The following CNTN4 variants were observed in gnomAD, a reference collection of about 807,000 sequenced individuals.
The protein encoded by CNTN4 is contactin-4.
CNTN4 carries 77 observed loss-of-function variants against 122.5 expected under a neutral mutation model. The observed-to-expected ratio is 0.63, with a 90% CI of 0.52 to 0.76. The LOEUF (loss-of-function observed/expected upper bound fraction) is 0.76. Ranked by LOEUF, CNTN4 falls within the 30% of genes least tolerant of loss-of-function variation. The pLI, the probability that CNTN4 is intolerant of heterozygous loss-of-function variation, is 0.00. For missense variants in CNTN4, 1,256 were observed against 1,259.1 expected, an observed-to-expected ratio of 1.00 and a Z score of 0.04; for synonymous variants, 512 against 447.0, an observed-to-expected ratio of 1.15 and a Z score of -1.83.
In CNTN4 at chr3:2,781,755, C is replaced by G. The variant is rs541870719; in HGVS notation, c.358+36058C>G. ...TTTTTTTTTTTTTGAGACGGAGTGT[C>G]GCTCTGTCGCCCAGGCTGGAGGGCA... On this transcript the variant is annotated intron_variant, in intron 6 of 24. Transcript: ENST00000418658. Among the ~76,000 whole-genome samples, 126 of 115,990 alleles carry G rather than the reference C, an allele frequency of 1.1e-3. 4 individuals carry two copies. Among genetic ancestry groups the G allele is most frequent in the Middle Eastern group, 6.9e-3 (1 of 144 alleles). 76.1% of individuals were successfully genotyped at this position (115,990 alleles called of 152,430 possible).
At chr3:2,900,608 C>T in intron 10 of CNTN4, 77 bp from the exon 11 acceptor site, 1 of 1,477,662 alleles carries the variant, frequency 6.8e-7, no homozygotes, top group Non-Finnish European at 9.4e-7. Flanking sequence ...GTACTTTTGC[C>T]CTTTGATTGA....
intron 2 of CNTN4, among the ~76,000 whole-genome samples, chr3:2,192,019 G>A (rs2037592036): frequency 6.6e-6 from 1 of 151,794 alleles, no homozygotes. Flanking sequence ...TGAGAATGAT[G>A]GTTTCCAGCT....
In CNTN4 at chr3:2,466,400, C is replaced by G. The variant is rs188755325; in HGVS notation, c.-88-105016C>G. ...AACTTGTATCTTTCACCAACATCTA[C>G]AGGAGTTGTGTAGAATAATAAGATT... On this transcript the variant is annotated intron_variant, in intron 3 of 24. Transcript: ENST00000418658. 1.8e-3 allele frequency among the ~76,000 whole-genome samples: 273 copies of G among 152,252 alleles called. 1 individual carries two copies. The highest frequency in any genetic ancestry group is 6.2e-3 in the African/African-American group (256 of 41,540).
At chr3:2,625,952 C>T (rs2082168884) in intron 4 of CNTN4, among the ~76,000 whole-genome samples, 1 of 152,118 alleles carries the variant, frequency 6.6e-6, no homozygotes, top group African/African-American at 2.4e-5. Flanking sequence ...ACATTCTGGA[C>T]AACACTTGAC....
At chr3:2,242,770 C>A (rs900493185) in intron 2 of CNTN4, among the ~76,000 whole-genome samples, 10 of 152,096 alleles carry the variant, frequency 6.6e-5, no homozygotes, top group African/African-American at 2.4e-4. Context: ...TCATGCATCA[C>A]AAATTACTTG....
intron 2 of CNTN4, among the ~76,000 whole-genome samples, chr3:2,193,865 C>T (rs114981570): frequency 0.022 from 3,297 of 152,262 alleles, 59 homozygotes; most frequent in Non-Finnish European, 0.03. Flanking sequence ...TACAGGTTTG[C>T]AGCCTAGGAG....
chr3:2,894,140 C>T (rs535092677), intron 10 of CNTN4, among the ~76,000 whole-genome samples: 4 of 152,170 alleles, frequency 2.6e-5, no homozygotes, highest in East Asian at 1.9e-4. Context: ...TAATGTCTGT[C>T]TTACTAGAAT....
intron 4 of CNTN4, among the ~76,000 whole-genome samples, chr3:2,722,577 C>T (rs772411841): frequency 1.9e-4 from 29 of 152,286 alleles, no homozygotes; most frequent in African/African-American, 4.8e-4. Context: ...ACTCAATGGA[C>T]GTGCTTTTTA....
intron 12 of CNTN4, among the ~76,000 whole-genome samples, chr3:2,904,053 A>G (rs1309252056): frequency 3.3e-5 from 5 of 152,214 alleles, no homozygotes; most frequent in Admixed American, 3.3e-4. Context: ...AACAGCTTGC[A>G]TTATCCTGTA....
chr3:2,662,036 A>T (rs531818938), intron 4 of CNTN4, among the ~76,000 whole-genome samples: 2 of 152,320 alleles, frequency 1.3e-5, no homozygotes, highest in South Asian at 2.1e-4. Flanking sequence ...TTCAAAAAAC[A>T]CTTATCAAGT....
At chr3:2,466,038 A>G (rs2075484312) in intron 3 of CNTN4, among the ~76,000 whole-genome samples, 1 of 152,228 alleles carries the variant, frequency 6.6e-6, no homozygotes, top group Non-Finnish European at 1.5e-5. Flanking sequence ...CAAAGATACC[A>G]GGGAATTCAA....
chr3:2,688,849 A>C (rs956155458), intron 4 of CNTN4, among the ~76,000 whole-genome samples: 3 of 152,192 alleles, frequency 2.0e-5, no homozygotes, highest in Admixed American at 6.5e-5. Flanking sequence ...TCTGTGGCCC[A>C]GTCACTAGTG....
chr3:2,953,760 G>T (rs1252410141), intron 13 of CNTN4, among the ~76,000 whole-genome samples: 1 of 152,184 alleles, frequency 6.6e-6, no homozygotes, highest in Non-Finnish European at 1.5e-5. Context: ...AGTGAAAGGA[G>T]AGGAAAGCAG....
chr3:2,371,480 G>T (rs1413345354), intron 3 of CNTN4, among the ~76,000 whole-genome samples: 1 of 150,088 alleles, frequency 6.7e-6, no homozygotes, highest in Non-Finnish European at 1.5e-5. Flanking sequence ...GTCTGTCTCA[G>T]CATCTTGGAA....
intron 23 of CNTN4, among the ~76,000 whole-genome samples, chr3:3,045,742 G>A (rs538087337): frequency 3.3e-5 from 5 of 152,350 alleles, no homozygotes; most frequent in East Asian, 1.9e-4. Context: ...CCAAAGGAAC[G>A]CACCTCCTCA....
chr3:3,047,964 G>A (rs1303154675), intron 23 of CNTN4, among the ~76,000 whole-genome samples: 1 of 152,144 alleles, frequency 6.6e-6, no homozygotes. Context: ...CCTTGAGAGT[G>A]GGTAACAGGG....
At chr3:2,785,898 C>CA (rs2091796447) in intron 6 of CNTN4, among the ~76,000 whole-genome samples, 1 of 125,756 alleles carries the variant, frequency 8.0e-6, no homozygotes, top group African/African-American at 2.8e-5. Flanking sequence ...CCACGCTGCC[C>CA]CCCCCCGCCC....
chr3:2,151,655 C>T (rs2035499740), intron 2 of CNTN4, among the ~76,000 whole-genome samples: 1 of 152,144 alleles, frequency 6.6e-6, no homozygotes, highest in African/African-American at 2.4e-5. Flanking sequence ...GAGGGATCTG[C>T]CCTCAAGAAT....
intron 4 of CNTN4, among the ~76,000 whole-genome samples, chr3:2,634,916 CT>C (rs1486181444): frequency 6.6e-6 from 1 of 150,996 alleles, no homozygotes; most frequent in Non-Finnish European, 1.5e-5. Context: ...CACTTGAAAT[CT>C]AAAAAAAAGA....
Sources: gnomAD v4.1 joint callset for allele counts (sites outside exome capture counted in the v4.1 genomes callset) on GRCh38, gnomAD v4.1.1 for gene constraint, MANE v1.5 for transcripts, NCBI Gene and HGNC (gene_info 2026-07-23, HGNC 2026-07-21) for gene names.